Variants in ARHGAP28 observed in about 807,000 individuals in gnomAD.
ARHGAP28 encodes Rho GTPase activating protein 28, also known as rho GTPase-activating protein 28.
In ARHGAP28, 56 loss-of-function variants were observed where a neutral mutation model predicts 90.7. The observed-to-expected ratio is 0.62, with a 90% CI of 0.50 to 0.77. The LOEUF (loss-of-function observed/expected upper bound fraction) is 0.77, where lower values mean the gene tolerates loss of function less well. Among genes scored for constraint, ARHGAP28 ranks in the 30% least tolerant of loss-of-function variants. ARHGAP28 has a pLI of 0.00. For synonymous variants in ARHGAP28, 308 were observed against 323.3 expected (o/e 0.95, Z 0.51); for missense variants, 869 against 900.9 (o/e 0.96, Z 0.45).
intron 10 of ARHGAP28, 51 bp downstream of exon 10, chr18:6,876,259 C>A (rs1319202485): frequency 7.5e-7 from 1 of 1,339,240 alleles, no homozygotes; most frequent in African/African-American, 1.4e-5. Flanking sequence ...TAGCTAGACC[C>A]AGTTCACACA....
At chr18:6,879,492 C>T (rs371810975) in intron 10 of ARHGAP28, among the ~76,000 whole-genome samples, 23 of 152,298 alleles carry the variant, frequency 1.5e-4, no homozygotes, top group African/African-American at 5.3e-4. Flanking sequence ...AAGTGCTCCC[C>T]ATCTTTGGCA....
At chr18:6,841,185 CTCTCTCTCTCTCTCTCTCCTCTCCT>C (rs1567966634) in intron 3 of ARHGAP28, among the ~76,000 whole-genome samples, 7 of 56,474 alleles carry the variant, frequency 1.2e-4, no homozygotes, top group Admixed American at 5.2e-4. Flanking sequence ...TCTCTCCTCT[CTCTCTCTCTCTCTCTCTCCTCTCCT>C]CTCTCTCTCT....
intron 14 of ARHGAP28, 68 bp from the exon 15 acceptor site, chr18:6,894,767 T>C: frequency 7.3e-7 from 1 of 1,366,110 alleles, no homozygotes. Flanking sequence ...ATTGTACCAG[T>C]TTACACTTCC....
chr18:6,780,611 A>G (rs1414083705), intron 1 of ARHGAP28, among the ~76,000 whole-genome samples: 2 of 152,090 alleles, frequency 1.3e-5, no homozygotes, highest in Non-Finnish European at 2.9e-5. Context: ...CTCTTAGGCC[A>G]GGTGCGGTGG....
intron 3 of ARHGAP28, among the ~76,000 whole-genome samples, chr18:6,841,618 T>C (rs1182342236): frequency 6.6e-6 from 1 of 152,062 alleles, no homozygotes; most frequent in African/African-American, 2.4e-5. Flanking sequence ...TAGAATCCCA[T>C]GCTCAAAATC....
At chr18:6,909,069 T>G in intron 17 of ARHGAP28, 45 bp downstream of exon 17, 3 of 1,080,636 alleles carry the variant, frequency 2.8e-6, no homozygotes, top group Non-Finnish European at 4.2e-6. Flanking sequence ...CTCTGATTAC[T>G]CTAAAAGAAA....
At position 6,873,435 on chromosome 18, in the gene ARHGAP28, T is replaced by C; in HGVS notation, c.981T>C (p.Phe327=). The part of the protein sequence containing the change: ...LTKFNVQKTR[F]GLTEAGDLSA... ...AATTTAATGTTCAGAAAACCAGATT[T>C]GGCTTAACTGAAGCAGGAGATCTGT... The change falls in exon 8 of 18, where the codon TTT becomes TTC. Residue 327 remains phenylalanine, a synonymous_variant. Coordinates refer to ENST00000383472, the MANE Select transcript of ARHGAP28 (RefSeq NM_001366230.1). 1 of 1,608,712 alleles carries C rather than the reference T, an allele frequency of 6.2e-7. No individual in the cohort carries two copies. The highest frequency in any genetic ancestry group is 8.5e-7 in the Non-Finnish European group (1 of 1,178,828).
intron 11 of ARHGAP28, 61 bp downstream of exon 11, chr18:6,882,360 AAG>A: frequency 6.7e-7 from 1 of 1,489,906 alleles, no homozygotes; most frequent in Non-Finnish European, 9.1e-7. Flanking sequence ...GTGAGAGCAG[AAG>A]AGAGATGCTG....
chr18:6,790,873 G>A (rs1051615789), intron 1 of ARHGAP28: 7 of 152,132 alleles, frequency 4.6e-5, no homozygotes, highest in African/African-American at 1.7e-4. Context: ...TTCCAGAAAA[G>A]AAGGAATGAA....
intron 15 of ARHGAP28, among the ~76,000 whole-genome samples, chr18:6,895,852 A>G (rs529894243): frequency 1.3e-5 from 2 of 152,204 alleles, no homozygotes; most frequent in Non-Finnish European, 2.9e-5. Flanking sequence ...TTATTCTAGG[A>G]TATCAATAGA....
intron 14 of ARHGAP28, among the ~76,000 whole-genome samples, chr18:6,893,111 G>A (rs1050310117): frequency 2.6e-5 from 4 of 152,178 alleles, no homozygotes; most frequent in Admixed American, 2.0e-4. Context: ...GCATCAGGCA[G>A]CTGTGACAAA....
At position 6,868,239 on chromosome 18, in the gene ARHGAP28, G is replaced by A; in HGVS notation, c.811+5G>A. On this transcript the variant is annotated splice_donor_5th_base_variant and intron_variant, in intron 6 of 17. Coordinates refer to ENST00000383472, the MANE Select transcript of ARHGAP28 (RefSeq NM_001366230.1). ...CAGTTCAGAATGCGATAAGTGGTGA[G>A]CGGCATGCCTCCTGTTGAACTTCAG... The A allele has an allele frequency of 6.2e-7, 1 of 1,613,324 alleles. No homozygotes were observed. Among genetic ancestry groups the A allele is most frequent in the Non-Finnish European group, 8.5e-7 (1 of 1,179,264 alleles).
At chr18:6,770,667 C>G (rs1312171391) in intron 1 of ARHGAP28, among the ~76,000 whole-genome samples, 1 of 152,104 alleles carries the variant, frequency 6.6e-6, no homozygotes, top group Non-Finnish European at 1.5e-5. Flanking sequence ...GAAAGCCTGG[C>G]TGCTGGAAGC....
At chr18:6,760,889 A>T (rs2056153800) in intron 1 of ARHGAP28, among the ~76,000 whole-genome samples, 1 of 152,158 alleles carries the variant, frequency 6.6e-6, no homozygotes, top group Non-Finnish European at 1.5e-5. Context: ...TACTGATTTT[A>T]CCTGGGTGTA....
At chr18:6,731,291 C>T (rs74417863) in intron 1 of ARHGAP28, among the ~76,000 whole-genome samples, 44 of 149,578 alleles carry the variant, frequency 2.9e-4, no homozygotes, top group South Asian at 4.3e-4. Context: ...TATATGTGTG[C>T]GTGTGTGTGT....
intron 1 of ARHGAP28, among the ~76,000 whole-genome samples, chr18:6,804,344 T>A (rs959719041): frequency 6.6e-6 from 1 of 152,204 alleles, no homozygotes; most frequent in African/African-American, 2.4e-5. Flanking sequence ...CTGATCCATC[T>A]GGATAAAGGT....
At position 6,806,224 on chromosome 18, in the gene ARHGAP28, C is replaced by CT. The variant is rs563388153; in HGVS notation, c.123-18532dup. On this transcript the variant is annotated intron_variant, in intron 1 of 17. Transcript: ENST00000383472. ...TCCTTTTTTCATTCTTCTTTTTCTT[C>CT]TTTTTTGGCTTCTTTTGGTTTAATT... Among the ~76,000 whole-genome samples the CT allele has an allele frequency of 1.3e-3, 191 of 152,094 alleles. 2 individuals are homozygous for CT. Among genetic ancestry groups the CT allele is most frequent in the African/African-American group, 4.0e-3 (164 of 41,496 alleles).
chr18:6,814,002 C>T (rs558242328), intron 1 of ARHGAP28, among the ~76,000 whole-genome samples: 1 of 152,214 alleles, frequency 6.6e-6, no homozygotes, highest in East Asian at 1.9e-4. Flanking sequence ...TTCTCAAAGT[C>T]AGCCAATCAC....
chr18:6,837,446 C>T (rs570691209), intron 3 of ARHGAP28, 32 bp downstream of exon 3: 43 of 1,365,790 alleles, frequency 3.1e-5, no homozygotes, highest in Admixed American at 1.5e-4. Context: ...GCTCAAAAGG[C>T]GCCTAGTTTG....
Sources: gnomAD v4.1 joint callset for allele counts (sites outside exome capture counted in the v4.1 genomes callset) on GRCh38, gnomAD v4.1.1 for gene constraint, MANE v1.5 for transcripts, NCBI Gene and HGNC (gene_info 2026-07-23, HGNC 2026-07-21) for gene names.